TMEM91: variants seen among roughly 807,000 people sequenced by gnomAD.
TMEM91 encodes the protein dispanin subfamily C member 3.
A neutral mutation model predicts 13.3 loss-of-function variants in TMEM91; 6 were observed. That is an observed-to-expected ratio of 0.45 (90% CI 0.25 to 0.89). The LOEUF (loss-of-function observed/expected upper bound fraction) is 0.89. Among genes scored for constraint, TMEM91 ranks in the 40% least tolerant of loss-of-function variants. The pLI, the probability that TMEM91 is intolerant of heterozygous loss-of-function variation, is 0.19. For missense variants in TMEM91, 193 were observed against 228.7 expected (o/e 0.84, Z 1.01); for synonymous variants, 87 against 101.7 (o/e 0.86, Z 0.87).
chr19:41,377,457 G>C (rs2038747898), intron 1 of TMEM91: 2 of 152,128 alleles, frequency 1.3e-5, no homozygotes, highest in African/African-American at 4.9e-5. Context: ...GTGTGGCAGG[G>C]GACTTCGGGG....
intron 3 of TMEM91, chr19:41,383,378 C>G: frequency 1.3e-6 from 1 of 752,450 alleles, no homozygotes; most frequent in Non-Finnish European, 1.9e-6. Flanking sequence ...GGGCAAGTCA[C>G]TTAACTTCCC....
At chr19:41,377,524 C>T (rs2038749900) in intron 1 of TMEM91, among the ~76,000 whole-genome samples, 1 of 144,372 alleles carries the variant, frequency 6.9e-6, no homozygotes, top group Non-Finnish European at 1.5e-5. Flanking sequence ...TTCCAGGCAG[C>T]ACTGGGGGTA....
chr19:41,370,393 T>TTTTATTTATTTATTTATTTA (rs60423207), intron 1 of TMEM91, among the ~76,000 whole-genome samples: 1,475 of 143,036 alleles, frequency 0.01, 13 homozygotes, highest in Middle Eastern at 0.029. Flanking sequence ...TTTATTTTTA[T>TTTTATTTATTTATTTATTTA]TTTATTTATT....
At chr19:41,366,094 G>A (rs1350196277) in intron 1 of TMEM91, among the ~76,000 whole-genome samples, 2 of 102,858 alleles carry the variant, frequency 1.9e-5, no homozygotes, top group South Asian at 3.0e-4. Context: ...TTGCTCTGTT[G>A]CCCAGGCTGG....
At chr19:41,383,545 T>C in intron 3 of TMEM91, 170 bp from the exon 4 acceptor site, 2 of 1,586,054 alleles carry the variant, frequency 1.3e-6, no homozygotes, top group South Asian at 1.2e-5. Flanking sequence ...TTTTAATGTT[T>C]TTATTAACCA....
At chr19:41,364,402 C>A (rs1272172809) in intron 1 of TMEM91, among the ~76,000 whole-genome samples, 1 of 152,032 alleles carries the variant, frequency 6.6e-6, no homozygotes, top group Non-Finnish European at 1.5e-5. Context: ...ACCAAAAAAG[C>A]AAATCCCTAA....
At chr19:41,364,325 C>G (rs1049688875) in intron 1 of TMEM91, among the ~76,000 whole-genome samples, 7 of 152,308 alleles carry the variant, frequency 4.6e-5, no homozygotes, top group Admixed American at 2.6e-4. Context: ...TTGGGCGTGG[C>G]TAGGAAGCTG....
chr19:41,380,193 C>T (rs1039179023), intron 2 of TMEM91, among the ~76,000 whole-genome samples: 1 of 151,934 alleles, frequency 6.6e-6, no homozygotes, highest in Non-Finnish European at 1.5e-5. Flanking sequence ...CGTGCCCAGC[C>T]GAGTCTTAGG....
At chr19:41,382,686 A>G in intron 2 of TMEM91, 86 bp from the exon 3 acceptor site, 2 of 1,514,878 alleles carry the variant, frequency 1.3e-6, no homozygotes, top group Non-Finnish European at 1.8e-6. Flanking sequence ...AGGGGCAGGT[A>G]TTGGCCTTTG....
upstream of TMEM91, among the ~76,000 whole-genome samples, chr19:41,372,302 C>G (rs370245961): frequency 6.6e-6 from 1 of 151,888 alleles, no homozygotes; most frequent in African/African-American, 2.4e-5. Flanking sequence ...GCTGACATTG[C>G]GCCACTGCAC....
intron 1 of TMEM91, among the ~76,000 whole-genome samples, chr19:41,377,658 C>T (rs1458501218): frequency 1.3e-5 from 2 of 151,816 alleles, no homozygotes; most frequent in Non-Finnish European, 2.9e-5. Flanking sequence ...CATGGTGCAA[C>T]AGGTGCTGCA....
At chr19:41,364,994 GCCTC>G (rs981705097) in intron 1 of TMEM91, among the ~76,000 whole-genome samples, 2 of 151,514 alleles carry the variant, frequency 1.3e-5, no homozygotes, top group African/African-American at 4.9e-5. Flanking sequence ...TCCTACCTCA[GCCTC>G]CCATGTAGCT....
chr19:41,384,072 C>A lies in TMEM91; in HGVS notation c.*199C>A. 1.0e-6 allele frequency: 1 copy of A among 983,820 alleles called. No homozygotes were observed. The highest frequency in any genetic ancestry group is 1.4e-6 in the Non-Finnish European group (1 of 707,478). The allele number at this position is 983,820 out of a possible 1,614,324, so 60.9% of individuals were successfully genotyped here. A position where few individuals can be genotyped will look rare whatever the true frequency, so the allele number is the denominator to read the frequency against. ...AACCTGAGATTAAACACCAGACACC[C>A]TTGCAGCCAAACCAGAGTCTGTTCG... On this transcript the variant is annotated 3_prime_UTR_variant, in exon 4 of 4. Coordinates refer to ENST00000392002, the MANE Select transcript of TMEM91 (RefSeq NM_001098821.2).
At chr19:41,381,364 T>TC (rs913053790) in intron 2 of TMEM91, among the ~76,000 whole-genome samples, 2 of 147,854 alleles carry the variant, frequency 1.4e-5, no homozygotes, top group African/African-American at 5.0e-5. Context: ...GCTAATTTTT[T>TC]TTTTTTTTTT....
At chr19:41,364,970 G>A (rs747502320) in intron 1 of TMEM91, among the ~76,000 whole-genome samples, 1 of 151,820 alleles carries the variant, frequency 6.6e-6, no homozygotes, top group South Asian at 2.1e-4. Flanking sequence ...TTAACTCCTG[G>A]GTTCAAGGGA....
intron 1 of TMEM91, among the ~76,000 whole-genome samples, chr19:41,365,212 C>G (rs2038496962): frequency 1.3e-5 from 2 of 151,936 alleles, no homozygotes; most frequent in South Asian, 4.1e-4. Flanking sequence ...TTACAAGCTA[C>G]CATTGGCTAG....
intron 1 of TMEM91, among the ~76,000 whole-genome samples, chr19:41,371,413 CTCTCTCTCTCTT>C (rs879864292): frequency 0.089 from 2,795 of 31,240 alleles, 139 homozygotes; most frequent in African/African-American, 0.22. Flanking sequence ...TCCCTCCTTT[CTCTCTCTCTCTT>C]TCTCTCTCTC....
At chr19:41,364,957 C>G (rs1396159120) in intron 1 of TMEM91, among the ~76,000 whole-genome samples, 1 of 151,942 alleles carries the variant, frequency 6.6e-6, no homozygotes, top group East Asian at 1.9e-4. Flanking sequence ...TCATTGCAGC[C>G]TCTTAACTCC....
At chr19:41,371,253 T>G (rs1186756010) in intron 1 of TMEM91, among the ~76,000 whole-genome samples, 2 of 151,040 alleles carry the variant, frequency 1.3e-5, no homozygotes, top group African/African-American at 4.9e-5. Context: ...CTGCCCGCCT[T>G]GGCCTCCCAA....
Sources: gnomAD v4.1 joint callset for allele counts (sites outside exome capture counted in the v4.1 genomes callset) on GRCh38, gnomAD v4.1.1 for gene constraint, MANE v1.5 for transcripts, NCBI Gene and HGNC (gene_info 2026-07-23, HGNC 2026-07-21) for gene names.